Variants in CNTRL observed in about 807,000 individuals in gnomAD.
CNTRL encodes the protein 110 kDa centrosomal protein.
Under a neutral mutation model 303.7 loss-of-function variants are expected in CNTRL, and 233 were observed. The observed-to-expected ratio is 0.77, with a 90% CI of 0.69 to 0.86. CNTRL has a LOEUF of 0.86. CNTRL is among the 40% of genes least tolerant of loss of function. CNTRL has a pLI of 0.00. For missense variants in CNTRL, 2,524 were observed against 2,650.6 expected (o/e 0.95, Z 1.05); for synonymous variants, 900 against 922.2 (o/e 0.98, Z 0.44).
At chr9:121,142,913 C>A (rs1408774217) in intron 19 of CNTRL, among the ~76,000 whole-genome samples, 1 of 147,552 alleles carries the variant, frequency 6.8e-6, no homozygotes, top group Non-Finnish European at 1.5e-5. Context: ...CCAACTATAA[C>A]TTTTTTTTTT....
intron 22 of CNTRL, among the ~76,000 whole-genome samples, 191 bp downstream of exon 22, chr9:121,145,576 G>A (rs2051799176): frequency 6.6e-6 from 1 of 152,152 alleles, no homozygotes; most frequent in African/African-American, 2.4e-5. Flanking sequence ...TGTGTTACTG[G>A]GGGACTTGGT....
intron 30 of CNTRL, 93 bp from the exon 31 acceptor site, chr9:121,158,762 C>T: frequency 8.2e-7 from 1 of 1,222,994 alleles, no homozygotes; most frequent in South Asian, 1.4e-5. Flanking sequence ...GATATTAGCT[C>T]CTGATTTTAC....
At chr9:121,145,994 A>G in intron 22 of CNTRL, 114 bp from the exon 23 acceptor site, 2 of 919,624 alleles carry the variant, frequency 2.2e-6, no homozygotes, top group Non-Finnish European at 3.2e-6. Flanking sequence ...GCAGACTGAA[A>G]GTCAGCTTTG....
At chr9:121,084,780 G>A (rs1393762824) in intron 2 of CNTRL, among the ~76,000 whole-genome samples, 1 of 152,058 alleles carries the variant, frequency 6.6e-6, no homozygotes, top group Non-Finnish European at 1.5e-5. Flanking sequence ...TCCTGACCTC[G>A]TGATCTGCCC....
At chr9:121,157,911 G>A (rs1321330307) in intron 29 of CNTRL, 31 bp downstream of exon 29, 3 of 1,613,722 alleles carry the variant, frequency 1.9e-6, no homozygotes, top group Admixed American at 1.7e-5. Flanking sequence ...GCTACAAGGG[G>A]TTTGTGCTGG....
chr9:121,110,573 T>TTC (rs1564216541), intron 8 of CNTRL, among the ~76,000 whole-genome samples: 1 of 152,174 alleles, frequency 6.6e-6, no homozygotes, highest in Non-Finnish European at 1.5e-5. Context: ...TCCTTAAAGG[T>TTC]AGTTCTTCCA....
intron 43 of CNTRL, among the ~76,000 whole-genome samples, chr9:121,175,854 G>C (rs1401507993): frequency 2.0e-5 from 3 of 152,134 alleles, no homozygotes; most frequent in African/African-American, 7.2e-5. Context: ...AAAGAGCTTA[G>C]ACCTGTGAGG....
rs368151186 is a variant in CNTRL at position 121,173,707 on chromosome 9, G to A, written c.6717G>A (p.Glu2239=). The A allele has an allele frequency of 1.2e-6, 2 of 1,614,164 alleles. No individual in the cohort carries two copies. Among genetic ancestry groups the A allele is most frequent in the Non-Finnish European group, 8.5e-7 (1 of 1,180,026 alleles). Residue 2239 remains glutamate (E), a synonymous_variant, in exon 42 of 44, where the codon GAG becomes GAA. Transcript: ENST00000373855. Reference sequence around the variant, plus strand: ...ACTGGCGTGGAGAAGCACTCCGGGAGAAACTGCGTCACCGGGAAGACCGAC... The same window carrying A: ...ACTGGCGTGGAGAAGCACTCCGGGAAAAACTGCGTCACCGGGAAGACCGAC... ...DEHWRGEALR[E]KLRHREDRLK...
intron 7 of CNTRL, among the ~76,000 whole-genome samples, chr9:121,102,994 A>G (rs941827209): frequency 3.3e-5 from 5 of 152,220 alleles, no homozygotes; most frequent in Non-Finnish European, 5.9e-5. Flanking sequence ...TATAGATTCA[A>G]TGCCATCCCC....
intron 19 of CNTRL, among the ~76,000 whole-genome samples, chr9:121,142,579 A>T (rs528733213): frequency 2.1e-4 from 32 of 152,342 alleles, no homozygotes; most frequent in African/African-American, 7.2e-4. Context: ...AGTTGGATAC[A>T]TCCATGGGAA....
intron 26 of CNTRL, among the ~76,000 whole-genome samples, chr9:121,154,060 T>G (rs1261942571): frequency 6.6e-6 from 1 of 152,234 alleles, no homozygotes; most frequent in Non-Finnish European, 1.5e-5. Flanking sequence ...AATACTATTC[T>G]AGGAAGTTTG....
chr9:121,173,677 T>G lies in CNTRL; in HGVS notation c.6687T>G (p.Asp2229Glu). The G allele has an allele frequency of 6.2e-7, 1 of 1,614,122 alleles. No individual in the cohort carries two copies. The highest frequency in any genetic ancestry group is 8.5e-7 in the Non-Finnish European group (1 of 1,179,980). Residue 2229 changes from aspartate to glutamate, a missense_variant and splice_region_variant, in exon 42 of 44, where the codon GAT (aspartate) becomes GAG (glutamate). Physicochemically the swap from Asp to Glu is conservative, Grantham distance 45. Coordinates refer to ENST00000373855, the MANE Select transcript of CNTRL (RefSeq NM_007018.6). The stretch of plus-strand genomic sequence containing the variant: ...TCTCTATTTTCCCTCTGAGAAAGGA[T>G]GAACACTGGCGTGGAGAAGCACTCC... Reference protein sequence around the residue: ...KLNFSQVHIMDEHWRGEALRE... With the variant: ...KLNFSQVHIMEEHWRGEALRE...
At chr9:121,165,129 G>C (rs1250360024) in intron 35 of CNTRL, 29 bp downstream of exon 35, 6 of 1,525,186 alleles carry the variant, frequency 3.9e-6, no homozygotes, top group Non-Finnish European at 5.3e-6. Context: ...GTGAAAGTGT[G>C]TGATTTCCTT....
chr9:121,078,894 A>G (rs1322584458), intron 1 of CNTRL, among the ~76,000 whole-genome samples: 1 of 152,200 alleles, frequency 6.6e-6, no homozygotes, highest in Non-Finnish European at 1.5e-5. Context: ...ATTCCCCTCC[A>G]GGACCCTCCC....
At chr9:121,116,226 G>C (rs1297724608) in intron 11 of CNTRL, among the ~76,000 whole-genome samples, 1 of 152,176 alleles carries the variant, frequency 6.6e-6, no homozygotes, top group Non-Finnish European at 1.5e-5. Context: ...CAGTGAGGCA[G>C]AGCTGGCGGA....
chr9:121,137,831 T>C (rs1470376255), intron 15 of CNTRL, among the ~76,000 whole-genome samples: 2 of 152,204 alleles, frequency 1.3e-5, no homozygotes, highest in Non-Finnish European at 2.9e-5. Flanking sequence ...CTTTGTACTT[T>C]GATTGGCTTT....
chr9:121,159,318 G>A (rs1013617214), intron 31 of CNTRL, among the ~76,000 whole-genome samples: 2 of 151,978 alleles, frequency 1.3e-5, no homozygotes, highest in Admixed American at 6.6e-5. Flanking sequence ...TTCTCATGGC[G>A]CAGCTTCATG....
At chr9:121,082,513 G>A (rs566114984) in intron 2 of CNTRL, among the ~76,000 whole-genome samples, 53 of 152,244 alleles carry the variant, frequency 3.5e-4, no homozygotes, top group South Asian at 2.3e-3. Flanking sequence ...TGTAAGATGC[G>A]TTGTTAGACA....
chr9:121,090,753 A>G (rs1274762103), intron 4 of CNTRL, among the ~76,000 whole-genome samples: 1 of 152,242 alleles, frequency 6.6e-6, no homozygotes, highest in Non-Finnish European at 1.5e-5. Context: ...AGAGCTTAGT[A>G]GTTGCCACAG....
Sources: gnomAD v4.1 joint callset for allele counts (sites outside exome capture counted in the v4.1 genomes callset) on GRCh38, gnomAD v4.1.1 for gene constraint, MANE v1.5 for transcripts, NCBI Gene and HGNC (gene_info 2026-07-23, HGNC 2026-07-21) for gene names.